CENPP: variants seen among roughly 807,000 people sequenced by gnomAD.
CENPP encodes centromere protein P.
A neutral mutation model predicts 35.6 loss-of-function variants in CENPP; 24 were observed. The observed-to-expected ratio is 0.67, with a 90% CI of 0.49 to 0.95. The LOEUF (loss-of-function observed/expected upper bound fraction) is 0.95. Ranked by LOEUF, CENPP falls within the 40% of genes least tolerant of loss-of-function variation. The pLI is 0.00. For missense variants in CENPP, 332 were observed against 345.3 expected (o/e 0.96, Z 0.31); for synonymous variants, 120 against 125.5 (o/e 0.96, Z 0.29).
At chr9:92,612,393 T>C (rs1416950849) in intron 6 of CENPP, 130 bp from the exon 7 acceptor site, 1 of 696,880 alleles carries the variant, frequency 1.4e-6, no homozygotes, top group East Asian at 2.6e-5. Context: ...TGCCTCTTCT[T>C]GGCTGTGGAT....
At chr9:92,347,360 A>G (rs1841320612) in intron 4 of CENPP, among the ~76,000 whole-genome samples, 1 of 152,238 alleles carries the variant, frequency 6.6e-6, no homozygotes, top group African/African-American at 2.4e-5. Flanking sequence ...TAATGAGCAT[A>G]TTATAGTTAC....
intron 5 of CENPP, among the ~76,000 whole-genome samples, chr9:92,595,852 G>A (rs545748744): frequency 4.6e-5 from 7 of 152,004 alleles, no homozygotes; most frequent in Admixed American, 2.6e-4. Context: ...ATGAGCCACC[G>A]CACCCAGCCT....
chr9:92,378,025 G>A (rs1842162873), intron 4 of CENPP, among the ~76,000 whole-genome samples: 1 of 152,180 alleles, frequency 6.6e-6, no homozygotes, highest in Admixed American at 6.5e-5. Flanking sequence ...GCAACCCACT[G>A]TGTGTGCAGC....
chr9:92,482,507 G>A (rs1845946295), intron 5 of CENPP: 1 of 152,158 alleles, frequency 6.6e-6, no homozygotes, highest in South Asian at 2.1e-4. Context: ...TGTTAGTACT[G>A]AGGAGCAAGA....
chr9:92,532,032 T>TTTTTTTTTTTTTTTTTTTTTTTTTTTC (rs1848822855), intron 5 of CENPP, among the ~76,000 whole-genome samples: 1 of 132,642 alleles, frequency 7.5e-6, no homozygotes, highest in Non-Finnish European at 1.6e-5. Context: ...TTTTTTTATT[T>TTTTTTTTTTTTTTTTTTTTTTTTTTTC]TATTTTTTTT....
intron 5 of CENPP, among the ~76,000 whole-genome samples, chr9:92,432,855 T>C (rs990260058): frequency 3.3e-5 from 5 of 152,172 alleles, no homozygotes; most frequent in African/African-American, 9.7e-5. Flanking sequence ...ATTTTTGTTG[T>C]TGAGGAGGTG....
chr9:92,443,720 C>T (rs909794652), intron 5 of CENPP, among the ~76,000 whole-genome samples: 7 of 151,724 alleles, frequency 4.6e-5, no homozygotes, highest in East Asian at 1.9e-4. Context: ...AGTGCAGTGG[C>T]GCAATCTCGG....
At chr9:92,427,313 C>T (rs1843992350) in intron 5 of CENPP, among the ~76,000 whole-genome samples, 1 of 152,102 alleles carries the variant, frequency 6.6e-6, no homozygotes, top group South Asian at 2.1e-4. Context: ...CAGGTGTGCA[C>T]CACCACACCC....
chr9:92,331,803 G>A (rs1840755706), intron 1 of CENPP, among the ~76,000 whole-genome samples: 1 of 151,836 alleles, frequency 6.6e-6, no homozygotes, highest in South Asian at 2.1e-4. Flanking sequence ...TCTATGAGAA[G>A]GAAAAAAAAA....
chr9:92,517,349 T>A, intron 5 of CENPP: 1 of 459,880 alleles, frequency 2.2e-6, no homozygotes, highest in Non-Finnish European at 3.9e-6. Flanking sequence ...ATAATGCACA[T>A]ATAGACCAAA....
chr9:92,489,513 C>T (rs577496243), intron 5 of CENPP, among the ~76,000 whole-genome samples: 1 of 152,290 alleles, frequency 6.6e-6, no homozygotes, highest in South Asian at 2.1e-4. Context: ...TCTAGTTTGG[C>T]TGACTGTTTT....
chr9:92,408,431 G>A (rs191733053), intron 5 of CENPP, among the ~76,000 whole-genome samples: 29 of 152,176 alleles, frequency 1.9e-4, no homozygotes, highest in Non-Finnish European at 3.7e-4. Flanking sequence ...TGATTTGCCC[G>A]CCTCGGCCTC....
At chr9:92,572,206 C>T (rs574297826) in intron 5 of CENPP, among the ~76,000 whole-genome samples, 16 of 152,148 alleles carry the variant, frequency 1.1e-4, no homozygotes, top group African/African-American at 1.7e-4. Flanking sequence ...CAATTTGGCA[C>T]GTTTTTGCAG....
chr9:92,612,291 G>A (rs1410652597), intron 6 of CENPP, among the ~76,000 whole-genome samples: 2 of 152,222 alleles, frequency 1.3e-5, no homozygotes, highest in Middle Eastern at 3.4e-3. Context: ...TCTGTACTTC[G>A]CTGGTATTGG....
At chr9:92,335,806 A>G (rs1022059198) in intron 2 of CENPP, among the ~76,000 whole-genome samples, 1 of 152,192 alleles carries the variant, frequency 6.6e-6, no homozygotes, top group Non-Finnish European at 1.5e-5. Context: ...GTAAGTCTCT[A>G]AATCAGGTCA....
In CENPP at chr9:92,568,888, G is replaced by A. The variant is rs1469859506; in HGVS notation, c.565-42426G>A. 3.3e-5 allele frequency among the ~76,000 whole-genome samples: 5 copies of A among 152,292 alleles called. No homozygotes were observed. In the South Asian group the frequency reaches 1.0e-3, roughly 32 times the overall value. On this transcript the variant is annotated intron_variant, in intron 5 of 7. Transcript: ENST00000375587. ...GTTGGCTGCATAAATGTCTTCTTTT[G>A]AGAAGTGTCTGTTCATGTCCTTTGC...
At position 92,619,437 on chromosome 9, in the gene CENPP, A is replaced by G; in HGVS notation, c.*6288A>G. ...CCTATTAACAATTCACCAACTGTCC[A>G]TAAAACCCCGTTAGACCCAGGCTGC... On this transcript the variant is annotated 3_prime_UTR_variant, in exon 8 of 8. Transcript: ENST00000375587. The G allele has an allele frequency of 6.9e-7, 1 of 1,457,922 alleles. No homozygotes were observed. The highest frequency in any genetic ancestry group is 9.4e-7 in the Non-Finnish European group (1 of 1,060,242). The allele number at this position is 1,457,922 out of a possible 1,614,324, so 90.3% of individuals were successfully genotyped here.
intron 5 of CENPP, among the ~76,000 whole-genome samples, chr9:92,557,116 G>A (rs1446002213): frequency 6.6e-6 from 1 of 152,244 alleles, no homozygotes; most frequent in African/African-American, 2.4e-5. Context: ...CAAAATTATT[G>A]GCTGATAATT....
chr9:92,514,790 G>A (rs138357265), intron 5 of CENPP: 39 of 1,613,748 alleles, frequency 2.4e-5, no homozygotes, highest in East Asian at 2.2e-4. Flanking sequence ...GAGGGCATTC[G>A]GAACATATCT....
Sources: gnomAD v4.1 joint callset for allele counts (sites outside exome capture counted in the v4.1 genomes callset) on GRCh38, gnomAD v4.1.1 for gene constraint, MANE v1.5 for transcripts, NCBI Gene and HGNC (gene_info 2026-07-23, HGNC 2026-07-21) for gene names.